The following GRAMD1C variants were observed in gnomAD, a reference collection of about 807,000 sequenced individuals.
GRAMD1C encodes the protein protein Aster-C.
GRAMD1C carries 89 observed loss-of-function variants against 97.8 expected under a neutral mutation model. That is an observed-to-expected ratio of 0.91 (90% confidence interval 0.77 to 1.09). The LOEUF (loss-of-function observed/expected upper bound fraction) is 1.09. Among genes scored for constraint, GRAMD1C ranks in the 50% least tolerant of loss-of-function variants. The probability of loss-of-function intolerance (pLI) is 0.00; values close to 1 mark genes in which losing one functional copy is unlikely to be tolerated. For missense variants in GRAMD1C, 740 were observed against 766.4 expected (o/e 0.97, Z 0.41); for synonymous variants, 256 against 267.0 (o/e 0.96, Z 0.40).
chr3:113,900,621 T>TTTCA (rs956497145), intron 6 of GRAMD1C, among the ~76,000 whole-genome samples: 3 of 149,818 alleles, frequency 2.0e-5, no homozygotes, highest in Admixed American at 2.0e-4. Flanking sequence ...GGAGACCAGG[T>TTTCA]TTCACCATGT....
chr3:113,860,703 C>T lies in GRAMD1C; in HGVS notation c.175-8804C>T, dbSNP rs757247389. Among the ~76,000 whole-genome samples, 17 of 152,076 alleles carry T rather than the reference C, an allele frequency of 1.1e-4. 1 individual carries two copies. Among genetic ancestry groups the T allele is most frequent in the Admixed American group, 1.0e-3 (16 of 15,266 alleles). On this transcript the variant is annotated intron_variant, in intron 2 of 17. Transcript: ENST00000358160. ...CTTATGGGCTAGGTGCAGTGGCTCA[C>T]ACCTGTAATCCCAGCACTTTGGGAG...
At chr3:113,880,966 G>T (rs1935235233) in intron 5 of GRAMD1C, among the ~76,000 whole-genome samples, 1 of 151,988 alleles carries the variant, frequency 6.6e-6, no homozygotes, top group Non-Finnish European at 1.5e-5. Context: ...AAAAAATTCT[G>T]TACTACTAAA....
chr3:113,887,359 C>T (rs1030795538), intron 6 of GRAMD1C, among the ~76,000 whole-genome samples: 10 of 151,228 alleles, frequency 6.6e-5, no homozygotes, highest in South Asian at 2.1e-4. Context: ...CCCAAAGTGC[C>T]GGGATTACAG....
intron 6 of GRAMD1C, among the ~76,000 whole-genome samples, chr3:113,886,875 T>C (rs532612502): frequency 3.5e-4 from 49 of 140,098 alleles, no homozygotes; most frequent in African/African-American, 1.2e-3. Flanking sequence ...TCCAACTCCC[T>C]GGTTCAAGGG....
At chr3:113,870,974 G>GACACACACACACAC (rs550859238) in intron 3 of GRAMD1C, among the ~76,000 whole-genome samples, 1 of 76,258 alleles carries the variant, frequency 1.3e-5, no homozygotes, top group African/African-American at 5.0e-5. Context: ...ATAAATAAAA[G>GACACACACACACAC]ACACACACAC....
At chr3:113,849,299 A>T (rs867424466) in intron 2 of GRAMD1C, among the ~76,000 whole-genome samples, 2,534 of 143,744 alleles carry the variant, frequency 0.018, 65 homozygotes, top group Admixed American at 0.066. Context: ...TTATTTATTT[A>T]TTTATTTATT....
chr3:113,887,175 C>T (rs1228871699), intron 6 of GRAMD1C, among the ~76,000 whole-genome samples: 1 of 149,848 alleles, frequency 6.7e-6, no homozygotes, highest in East Asian at 2.0e-4. Flanking sequence ...CAGACAACCT[C>T]CGTCTCACAG....
rs767109971 is a variant in GRAMD1C at position 113,876,209 on chromosome 3, A to G, written c.408A>G (p.Lys136=). 11 of 1,603,494 alleles carry G rather than the reference A, an allele frequency of 6.9e-6. No homozygotes were observed. In the South Asian group the frequency reaches 8.8e-5, roughly 13 times the overall value. The change falls in exon 5 of 18, where the codon AAA becomes AAG. Residue 136 remains lysine, a synonymous_variant. Coordinates refer to ENST00000358160, the MANE Select transcript of GRAMD1C (RefSeq NM_017577.5). The part of the protein sequence containing the change: ...LKNITFMTKE[K]TARLIPNAIQ... Reference sequence around the variant, plus strand: ...ATATAACCTTCATGACCAAGGAAAAAACTGCTCGACTCATCCCAAACGCTA... The same window carrying G: ...ATATAACCTTCATGACCAAGGAAAAGACTGCTCGACTCATCCCAAACGCTA...
At chr3:113,865,813 G>C (rs1211859978) in intron 2 of GRAMD1C, among the ~76,000 whole-genome samples, 2 of 152,040 alleles carry the variant, frequency 1.3e-5, no homozygotes, top group South Asian at 2.1e-4. Flanking sequence ...TTCTTCCAGG[G>C]AGGATTTTCA....
At chr3:113,855,336 C>T (rs1216343071) in intron 2 of GRAMD1C, among the ~76,000 whole-genome samples, 4 of 151,720 alleles carry the variant, frequency 2.6e-5, no homozygotes, top group Admixed American at 6.6e-5. Flanking sequence ...CAAAACAAAA[C>T]GAAAACAGTG....
intron 10 of GRAMD1C, among the ~76,000 whole-genome samples, chr3:113,924,727 A>G (rs1348123864): frequency 6.6e-6 from 1 of 152,190 alleles, no homozygotes; most frequent in Non-Finnish European, 1.5e-5. Flanking sequence ...GGTGCAAATG[A>G]GAAGAACGTA....
chr3:113,910,394 C>G (rs1000826993), intron 9 of GRAMD1C, among the ~76,000 whole-genome samples: 1 of 152,120 alleles, frequency 6.6e-6, no homozygotes, highest in African/African-American at 2.4e-5. Flanking sequence ...AAAAACAAAA[C>G]AAAACAGAAA....
At chr3:113,882,489 C>T (rs1559792949) in intron 5 of GRAMD1C, among the ~76,000 whole-genome samples, 2 of 151,932 alleles carry the variant, frequency 1.3e-5, no homozygotes, top group Non-Finnish European at 2.9e-5. Flanking sequence ...AAATAGCTAC[C>T]TATTTCAAGT....
intron 2 of GRAMD1C, among the ~76,000 whole-genome samples, chr3:113,847,657 A>G (rs1225582908): frequency 6.6e-6 from 1 of 152,210 alleles, no homozygotes; most frequent in Non-Finnish European, 1.5e-5. Flanking sequence ...AACAAATATG[A>G]TGGGGAATTC....
chr3:113,885,620 A>C lies in GRAMD1C; in HGVS notation c.540+2788A>C, dbSNP rs539020345. The C allele has an allele frequency of 6.6e-6, 10 of 1,507,684 alleles. No homozygotes were observed. In the East Asian group the frequency reaches 2.3e-4, roughly 34 times the overall value. 93.4% of individuals were successfully genotyped at this position (1,507,684 alleles called of 1,614,324 possible). ...ACAAACATTCTGTCCGGTTTTTTGT[A>C]CGTAAGAGGCCCCATGTGGATTTCT... is the stretch of plus-strand genomic sequence containing the variant. On this transcript the variant is annotated intron_variant, in intron 6 of 17. Coordinates refer to ENST00000358160, the MANE Select transcript of GRAMD1C (RefSeq NM_017577.5).
At position 113,909,132 on chromosome 3, in the gene GRAMD1C, CT is replaced by C; in HGVS notation, c.952+14del. 7.4e-7 allele frequency: 1 copy of C among 1,356,590 alleles called. No individual in the cohort carries two copies. The highest frequency in any genetic ancestry group is 1.4e-5 in the South Asian group (1 of 70,232). The allele number at this position is 1,356,590 out of a possible 1,614,324, so 84.0% of individuals were successfully genotyped here. A position where few individuals can be genotyped will look rare whatever the true frequency, so the allele number is the denominator to read the frequency against. ...TTCTGTTGATGAAGGTAAATAATTT[CT>C]TATAAATTTTATTAAATTTCAGTTA... On this transcript the variant is annotated intron_variant, in intron 9 of 17. Transcript: ENST00000358160.
At chr3:113,844,809 C>G in intron 2 of GRAMD1C, 160 bp downstream of exon 2, 1 of 555,760 alleles carries the variant, frequency 1.8e-6, no homozygotes, top group South Asian at 2.4e-5. Context: ...ATTATTCTCT[C>G]CTTTGACCAC....
At chr3:113,862,642 G>C (rs1451536211) in intron 2 of GRAMD1C, among the ~76,000 whole-genome samples, 6 of 152,202 alleles carry the variant, frequency 3.9e-5, no homozygotes, top group Non-Finnish European at 8.8e-5. Context: ...AAGATGATGG[G>C]ATTAAGAGAT....
At chr3:113,930,395 T>C (rs1181671293) in intron 10 of GRAMD1C, among the ~76,000 whole-genome samples, 1 of 152,228 alleles carries the variant, frequency 6.6e-6, no homozygotes, top group Non-Finnish European at 1.5e-5. Context: ...ATTACTTCTC[T>C]TCATAGGTAC....
Sources: allele counts gnomAD v4.1 joint callset (sites outside exome capture counted in the v4.1 genomes callset), GRCh38; gene constraint gnomAD v4.1.1; transcripts MANE v1.5; gene names NCBI Gene and HGNC (gene_info 2026-07-23, HGNC 2026-07-21).